The following CPLANE2 variants were observed in gnomAD, a reference collection of about 807,000 sequenced individuals.
The protein encoded by CPLANE2 is ciliogenesis and planar polarity effector complex subunit 2.
CPLANE2 carries 24 observed loss-of-function variants against 20.9 expected under a neutral mutation model. The observed-to-expected ratio is 1.15, with a 90% CI of 0.83 to 1.61. CPLANE2 has a LOEUF of 1.61. Among genes scored for constraint, CPLANE2 ranks in the 40% most tolerant of loss-of-function variants. CPLANE2 has a pLI of 0.00. For missense variants in CPLANE2, 330 were observed against 355.1 expected (o/e 0.93, Z 0.57); for synonymous variants, 132 against 144.3 (o/e 0.92, Z 0.61).
rs1243396241 is a variant in CPLANE2 at position 16,232,307 on chromosome 1, G to A, written c.528-10C>T. 6.3e-7 allele frequency: 1 copy of A among 1,598,772 alleles called. No homozygotes were observed. On this transcript the variant is annotated splice_polypyrimidine_tract_variant and intron_variant, in intron 4 of 4. Coordinates refer to ENST00000375599, the MANE Select transcript of CPLANE2 (RefSeq NM_030907.4). ...CATGTACTGGTCAAATCTGGAGGAG[G>A]GTCAAGGAGCCTAACTGGGTGCCTC... is the stretch of plus-strand genomic sequence containing the variant.
intron 4 of CPLANE2, 43 bp from the exon 5 acceptor site, chr1:16,232,340 C>A (rs1347105976): frequency 6.4e-7 from 1 of 1,567,442 alleles, no homozygotes. Flanking sequence ...CTCTGCACAG[C>A]CCCCCATCAG....
chr1:16,232,184 T>C lies in CPLANE2; in HGVS notation c.641A>G (p.Asp214Gly), dbSNP rs1242742955. The C allele has an allele frequency of 1.2e-6, 2 of 1,612,916 alleles. No individual in the cohort carries two copies. The highest frequency in any genetic ancestry group is 1.7e-6 in the Non-Finnish European group (2 of 1,179,866). Residue 214 changes from aspartate (D) to glycine (G), a missense_variant, in exon 5 of 5, where the codon GAT (aspartate) becomes GGT (glycine). Physicochemically the swap from Asp to Gly is moderately conservative, Grantham distance 94. Coordinates refer to ENST00000375599, the MANE Select transcript of CPLANE2 (RefSeq NM_030907.4). Reference sequence around the variant, plus strand: ...AGCCCGCCCGTCCAGTGTGCGCCCATCAGCCAGCCGCCGCCCCGGCACACT... The same window carrying C: ...AGCCCGCCCGTCCAGTGTGCGCCCACCAGCCAGCCGCCGCCCCGGCACACT... ...VKSVPGRRLA[D>G]GRTLDGRAGL...
intron 2 of CPLANE2, among the ~76,000 whole-genome samples, 167 bp from the exon 3 acceptor site, chr1:16,233,184 G>C (rs2081438071): frequency 6.6e-6 from 1 of 152,218 alleles, no homozygotes; most frequent in Non-Finnish European, 1.5e-5. Flanking sequence ...TCTGATGGGA[G>C]AAACAGAAAC....
Position 16,232,575 on chromosome 1 carries a change from G to C in CPLANE2, c.462C>G (p.Leu154=). The C allele has an allele frequency of 6.2e-7, 1 of 1,614,196 alleles. No individual in the cohort carries two copies. The highest frequency in any genetic ancestry group is 8.5e-7 in the Non-Finnish European group (1 of 1,180,034). ...SFTDRASFED[L]PGQLARIAGE... Reference sequence around the variant, plus strand: ...CTGCTATGCGGGCCAGCTGTCCAGGGAGGTCTTCAAAGGAGGCACGGTCAG... The same window carrying C: ...CTGCTATGCGGGCCAGCTGTCCAGGCAGGTCTTCAAAGGAGGCACGGTCAG... The change falls in exon 4 of 5, where the codon CTC becomes CTG. Residue 154 remains leucine (L), a synonymous_variant. Coordinates refer to ENST00000375599, the MANE Select transcript of CPLANE2 (RefSeq NM_030907.4).
At chr1:16,233,967 C>T (rs2081444995) in intron 1 of CPLANE2, among the ~76,000 whole-genome samples, 1 of 152,214 alleles carries the variant, frequency 6.6e-6, no homozygotes, top group South Asian at 2.1e-4. Flanking sequence ...TTGGGCGCCT[C>T]TTGCTGTCTT....
At chr1:16,233,566 C>G (rs755390038) in intron 2 of CPLANE2, 46 bp downstream of exon 2, 3 of 1,607,438 alleles carry the variant, frequency 1.9e-6, no homozygotes, top group Non-Finnish European at 2.6e-6. Flanking sequence ...CCTCCACCCC[C>G]AAGGAGGGCC....
rs2081434495 is a variant in CPLANE2 at position 16,232,934 on chromosome 1, A to G, written c.349T>C (p.Cys117Arg). 4 of 1,614,194 alleles carry G rather than the reference A, an allele frequency of 2.5e-6. No homozygotes were observed. The highest frequency in any genetic ancestry group is 1.1e-5 in the South Asian group (1 of 91,088). The change falls in exon 3 of 5, where the codon TGT (cysteine) becomes CGT (arginine). Residue 117 changes from cysteine (C) to arginine (R), a missense_variant. By Grantham distance (180) the Cys-to-Arg change is radical (BLOSUM62 -3). Coordinates refer to ENST00000375599, the MANE Select transcript of CPLANE2 (RefSeq NM_030907.4). ...VVMFRFEFWD[C>R]GESALKKFDH... ...AACTTTTTGAGTGCAGACTCTCCAC[A>G]GTCCCAGAACTCAAAACGAAACATG...
chr1:16,234,826 CAA>C (rs776152103), intron 1 of CPLANE2, among the ~76,000 whole-genome samples: 4 of 152,140 alleles, frequency 2.6e-5, no homozygotes, highest in East Asian at 3.9e-4. Flanking sequence ...CTCCCGGGTT[CAA>C]GTGATTCTCC....
chr1:16,232,952 G>T lies in CPLANE2; in HGVS notation c.331C>A (p.Arg111Ser). Residue 111 changes from arginine to serine, a missense_variant, in exon 3 of 5, where the codon CGT (arginine) becomes AGT (serine). Arg to Ser is a moderately radical substitution (Grantham distance 110, BLOSUM62 -1). Transcript: ENST00000375599. ...LQASSRVVMF[R>S]FEFWDCGESA... ...TCTCCACAGTCCCAGAACTCAAAAC[G>T]AAACATGACGACACGGCTGCTGGCC... The T allele has an allele frequency of 6.2e-7, 1 of 1,614,194 alleles. No individual in the cohort carries two copies. The highest frequency in any genetic ancestry group is 8.5e-7 in the Non-Finnish European group (1 of 1,180,026).
chr1:16,233,448 C>A (rs1024413861), intron 2 of CPLANE2, among the ~76,000 whole-genome samples, 164 bp downstream of exon 2: 2 of 152,214 alleles, frequency 1.3e-5, no homozygotes, highest in African/African-American at 4.8e-5. Flanking sequence ...ACACAACAAC[C>A]CTGTGGTACT....
In CPLANE2 at chr1:16,236,721, C is replaced by T. The variant is rs1003620441; in HGVS notation, c.22G>A (p.Gly8Ser). MARPPVP[G>S]SVVVPNWHES... ...TGCCAGTTTGGGACAACCACCGAAC[C>T]GGGCACGGGAGGTCTGGCCATGGCT... is the stretch of plus-strand genomic sequence containing the variant. Residue 8 changes from glycine to serine, a missense_variant, in exon 1 of 5, where the codon GGT (glycine) becomes AGT (serine). Physicochemically the swap from Gly to Ser is moderately conservative, Grantham distance 56. Coordinates refer to ENST00000375599, the MANE Select transcript of CPLANE2 (RefSeq NM_030907.4). 33 of 1,557,544 alleles carry T rather than the reference C, an allele frequency of 2.1e-5. No individual in the cohort carries two copies. Among genetic ancestry groups the T allele is most frequent in the Non-Finnish European group, 2.9e-5 (33 of 1,149,620 alleles).
In CPLANE2 at chr1:16,231,966, G is replaced by C; in HGVS notation, c.*82C>G. On this transcript the variant is annotated 3_prime_UTR_variant, in exon 5 of 5. Coordinates refer to ENST00000375599, the MANE Select transcript of CPLANE2 (RefSeq NM_030907.4). ...GCCATGCTGGCCAGTCCTCCAGATA[G>C]GATCCATGTTCCTGCCCCAGCCTCC... 1.3e-6 allele frequency: 2 copies of C among 1,540,322 alleles called. No homozygotes were observed. The highest frequency in any genetic ancestry group is 1.8e-6 in the Non-Finnish European group (2 of 1,138,406).
chr1:16,235,714 CTT>C (rs1250149143), intron 1 of CPLANE2, among the ~76,000 whole-genome samples: 3 of 133,880 alleles, frequency 2.2e-5, no homozygotes, highest in Non-Finnish European at 3.1e-5. Flanking sequence ...GAGTTTCACT[CTT>C]GTCACCCAGG....
chr1:16,233,790 G>C (rs748001890), intron 1 of CPLANE2, 26 bp from the exon 2 acceptor site: 1 of 1,613,438 alleles, frequency 6.2e-7, no homozygotes, highest in South Asian at 1.1e-5. Flanking sequence ...AGCCAGGCAG[G>C]GTCAAGGGGT....
At chr1:16,234,255 T>A (rs1295126609) in intron 1 of CPLANE2, among the ~76,000 whole-genome samples, 1 of 151,842 alleles carries the variant, frequency 6.6e-6, no homozygotes, top group African/African-American at 2.4e-5. Flanking sequence ...ATACCAAAAA[T>A]CAGCTGGGTG....
rs1291726575 is a variant in CPLANE2 at position 16,236,647 on chromosome 1, G to A, written c.96C>T (p.Asn32=). 4 of 1,557,178 alleles carry A rather than the reference G, an allele frequency of 2.6e-6. No homozygotes were observed. Among genetic ancestry groups the A allele is most frequent in the Non-Finnish European group, 3.5e-6 (4 of 1,149,352 alleles). ...GGCACTTACCAAACACCCGCCGGCGGTTCTTGCGCAGAATGCAAGCCAGGT... is the reference window on the plus strand; with the variant it reads ...GGCACTTACCAAACACCCGCCGGCGATTCTTGCGCAGAATGCAAGCCAGGT... The part of the protein sequence containing the change: ...KEYLACILRK[N]RRRVFGLLER... The change falls in exon 1 of 5, where the codon AAC becomes AAT. Residue 32 remains asparagine (N), a synonymous_variant. Transcript: ENST00000375599.
In CPLANE2 at chr1:16,231,829, C is replaced by A. The variant is rs1022022936; in HGVS notation, c.*219G>T. ...ATCGGTGCTGCCAAAGGGGGAAAGG[C>A]CACGGGAGATGTTCGAGCTCAGGGC... On this transcript the variant is annotated 3_prime_UTR_variant, in exon 5 of 5. Coordinates refer to ENST00000375599, the MANE Select transcript of CPLANE2 (RefSeq NM_030907.4). 39 of 637,734 alleles carry A rather than the reference C, an allele frequency of 6.1e-5. No homozygotes were observed. Among genetic ancestry groups the A allele is most frequent in the African/African-American group, 4.6e-4 (25 of 54,626 alleles). 39.5% of individuals were successfully genotyped at this position (637,734 alleles called of 1,614,324 possible). A position where few individuals can be genotyped will look rare whatever the true frequency, so the allele number is the denominator to read the frequency against.
rs374676835 is a variant in CPLANE2, at chr1:16,233,667, C to A, written c.210G>T (p.Ala70=). The A allele has an allele frequency of 1.2e-6, 2 of 1,614,204 alleles. No homozygotes were observed. Among genetic ancestry groups the A allele is most frequent in the Non-Finnish European group, 1.7e-6 (2 of 1,180,044 alleles). The change falls in exon 2 of 5, where the codon GCG becomes GCT. Residue 70 remains alanine (A), a synonymous_variant. Coordinates refer to ENST00000375599, the MANE Select transcript of CPLANE2 (RefSeq NM_030907.4). ...CCAGGCCAGCCAGCTTGGCCACCAG[C>A]GCCGTCTTGCCCACACCACTCTTCC... ...VSGKSGVGKT[A]LVAKLAGLEV... is the part of the protein sequence containing the mutation.
At chr1:16,235,377 C>A (rs1312837953) in intron 1 of CPLANE2, among the ~76,000 whole-genome samples, 1 of 152,202 alleles carries the variant, frequency 6.6e-6, no homozygotes, top group East Asian at 1.9e-4. Flanking sequence ...TTCCACTCAA[C>A]ACAACTAAAT....
Sources: allele counts gnomAD v4.1 joint callset (sites outside exome capture counted in the v4.1 genomes callset), GRCh38; gene constraint gnomAD v4.1.1; transcripts MANE v1.5; gene names NCBI Gene and HGNC (gene_info 2026-07-23, HGNC 2026-07-21).